The following SLC6A11 variants were observed in gnomAD, a reference collection of about 807,000 sequenced individuals.
The protein encoded by SLC6A11 is solute carrier family 6 member 11.
SLC6A11 carries 25 observed loss-of-function variants against 74.8 expected under a neutral mutation model. The observed-to-expected ratio is 0.33, with a 90% CI of 0.24 to 0.47. SLC6A11 has a LOEUF of 0.47. Ranked by LOEUF, SLC6A11 falls within the 20% of genes least tolerant of loss-of-function variation. The probability of loss-of-function intolerance (pLI) is 1.00; values close to 1 mark genes in which losing one functional copy is unlikely to be tolerated. For synonymous variants in SLC6A11, 330 were observed against 330.2 expected, an observed-to-expected ratio of 1.00 and a Z score of 0.01; for missense variants, 574 against 837.0, an observed-to-expected ratio of 0.69 and a Z score of 3.88.
At chr3:10,828,236 T>C (rs1015916306) in intron 4 of SLC6A11, among the ~76,000 whole-genome samples, 18 of 152,226 alleles carry the variant, frequency 1.2e-4, no homozygotes, top group African/African-American at 4.1e-4. Flanking sequence ...ATTCTTGCTG[T>C]GTATACAATC....
In SLC6A11 at chr3:10,940,343, C is replaced by CT. The variant is rs1695810016; in HGVS notation, c.*1942dup. ...CTTCCCATTGCTGCTGCTACCGGTT[C>CT]TCCACAGATCCCTGTGGTCCGCCAT... On this transcript the variant is annotated 3_prime_UTR_variant, in exon 14 of 14. Coordinates refer to ENST00000254488, the MANE Select transcript of SLC6A11 (RefSeq NM_014229.3). 4.5e-5 allele frequency: 3 copies of CT among 67,176 alleles called. No individual in the cohort carries two copies. Among genetic ancestry groups the CT allele is most frequent in the Admixed American group, 3.4e-4 (3 of 8,878 alleles). 4.2% of individuals were successfully genotyped at this position (67,176 alleles called of 1,614,324 possible). A position where few individuals can be genotyped will look rare whatever the true frequency, so the allele number is the denominator to read the frequency against.
rs147598353 is a variant in SLC6A11, at chr3:10,838,757, T to A, written c.624-5457T>A. On this transcript the variant is annotated intron_variant, in intron 4 of 13. Coordinates refer to ENST00000254488, the MANE Select transcript of SLC6A11 (RefSeq NM_014229.3). ...GAGTGAGACTCTGTCTCAAAATATG[T>A]ATATATATCAATTTGGGCAAGTTGC... Among the ~76,000 whole-genome samples, 645 of 152,224 alleles carry A rather than the reference T, an allele frequency of 4.2e-3. 4 individuals carry two copies. Among genetic ancestry groups the A allele is most frequent in the African/African-American group, 0.014 (595 of 41,536 alleles).
intron 4 of SLC6A11, among the ~76,000 whole-genome samples, chr3:10,843,137 G>A (rs1162273712): frequency 1.3e-5 from 2 of 152,122 alleles, no homozygotes; most frequent in African/African-American, 4.8e-5. Flanking sequence ...TATGGAGCGT[G>A]GCGAGTTTGA....
chr3:10,819,699 T>C lies in SLC6A11; in HGVS notation c.392-13T>C, dbSNP rs200575540. On this transcript the variant is annotated splice_polypyrimidine_tract_variant and intron_variant, in intron 2 of 13. Coordinates refer to ENST00000254488, the MANE Select transcript of SLC6A11 (RefSeq NM_014229.3). Reference sequence around the variant, plus strand: ...GATAGACTCAAATTCCTTCCTTTCTTTTGTCCTTTCAGGCATTGGCTATGC... The same window carrying C: ...GATAGACTCAAATTCCTTCCTTTCTCTTGTCCTTTCAGGCATTGGCTATGC... 2.2e-4 allele frequency: 352 copies of C among 1,613,068 alleles called. No individual in the cohort carries two copies. Among genetic ancestry groups the C allele is most frequent in the Middle Eastern group, 8.2e-4 (5 of 6,078 alleles).
chr3:10,879,263 A>C (rs1001415451), intron 6 of SLC6A11, among the ~76,000 whole-genome samples: 4 of 152,160 alleles, frequency 2.6e-5, no homozygotes, highest in Non-Finnish European at 5.9e-5. Flanking sequence ...CCCAAAAGCA[A>C]CTATGTCCCC....
intron 1 of SLC6A11, among the ~76,000 whole-genome samples, chr3:10,818,338 T>G (rs1412613435): frequency 6.6e-6 from 1 of 152,216 alleles, no homozygotes; most frequent in African/African-American, 2.4e-5. Context: ...TAGATTTCGA[T>G]TCAGTAAACA....
intron 13 of SLC6A11, 110 bp downstream of exon 13, chr3:10,935,309 G>C: frequency 1.1e-6 from 1 of 939,716 alleles, no homozygotes. Context: ...CTGCCTCAAG[G>C]GGACGCTGTG....
At chr3:10,830,869 T>C (rs562460965) in intron 4 of SLC6A11, among the ~76,000 whole-genome samples, 1 of 152,164 alleles carries the variant, frequency 6.6e-6, no homozygotes, top group African/African-American at 2.4e-5. Flanking sequence ...TGATCAGGCC[T>C]GGGGATAAGG....
At chr3:10,845,451 C>T (rs1458088831) in intron 5 of SLC6A11, among the ~76,000 whole-genome samples, 1 of 152,206 alleles carries the variant, frequency 6.6e-6, no homozygotes, top group African/African-American at 2.4e-5. Flanking sequence ...CCCTCCTTGC[C>T]AGCCTCCTTC....
At chr3:10,924,105 G>A (rs1465455279) in intron 8 of SLC6A11, among the ~76,000 whole-genome samples, 1 of 152,126 alleles carries the variant, frequency 6.6e-6, no homozygotes, top group Non-Finnish European at 1.5e-5. Flanking sequence ...ACGCAATGTG[G>A]AGTTCTGAAT....
intron 6 of SLC6A11, among the ~76,000 whole-genome samples, chr3:10,909,990 G>A (rs532798614): frequency 2.0e-5 from 3 of 151,998 alleles, no homozygotes; most frequent in Non-Finnish European, 2.9e-5. Flanking sequence ...CCCACACATC[G>A]AAATGTCTGG....
rs1226396502 is a variant in SLC6A11, at chr3:10,875,091, C to G, written c.887C>G (p.Pro296Arg). 1 of 1,606,422 alleles carries G rather than the reference C, an allele frequency of 6.2e-7. No homozygotes were observed. The highest frequency in any genetic ancestry group is 8.5e-7 in the Non-Finnish European group (1 of 1,174,620). ...CCTGACCTCTCCCGGCTCTCCGACC[C>G]CCAGGTAAGAGTCGCTTGCTCAATG... is the stretch of plus-strand genomic sequence containing the variant. ...LYPDLSRLSD[P>R]QVWVDAGTQI... The change falls in exon 6 of 14, where the codon CCC (proline) becomes CGC (arginine). Residue 296 changes from proline (P) to arginine (R), a missense_variant. By Grantham distance (103) the Pro-to-Arg change is moderately radical. Around this residue, in one of 4 missense-constraint regions of SLC6A11, gnomAD observed 215 missense variants for 357.9 expected, o/e 0.60. Coordinates refer to ENST00000254488, the MANE Select transcript of SLC6A11 (RefSeq NM_014229.3).
intron 13 of SLC6A11, among the ~76,000 whole-genome samples, chr3:10,937,958 C>A (rs1347035822): frequency 6.6e-6 from 1 of 152,210 alleles, no homozygotes; most frequent in Non-Finnish European, 1.5e-5. Context: ...GTCCCAGCAA[C>A]CTTTCCTAGC....
chr3:10,827,316 C>G (rs181751429), intron 4 of SLC6A11, among the ~76,000 whole-genome samples: 10 of 152,176 alleles, frequency 6.6e-5, no homozygotes, highest in African/African-American at 1.9e-4. Context: ...TACTCCACCC[C>G]CTGAATGCTA....
intron 4 of SLC6A11, among the ~76,000 whole-genome samples, chr3:10,831,514 ATATATGTGT>A (rs1195510953): frequency 6.6e-6 from 1 of 152,218 alleles, no homozygotes; most frequent in Non-Finnish European, 1.5e-5. Flanking sequence ...ATCGTATGTA[ATATATGTGT>A]TGTATATGCC....
intron 6 of SLC6A11, among the ~76,000 whole-genome samples, chr3:10,881,421 T>C (rs1346529941): frequency 6.6e-6 from 1 of 152,074 alleles, no homozygotes; most frequent in African/African-American, 2.4e-5. Flanking sequence ...GTCTCAAAAA[T>C]AAATAAGTAA....
At chr3:10,927,263 A>G (rs545019320) in intron 9 of SLC6A11, among the ~76,000 whole-genome samples, 165 of 152,286 alleles carry the variant, frequency 1.1e-3, no homozygotes, top group Non-Finnish European at 2.0e-3. Flanking sequence ...GTGACAGGCC[A>G]GGCCTGCCTG....
intron 6 of SLC6A11, among the ~76,000 whole-genome samples, chr3:10,883,919 G>A (rs909392769): frequency 1.3e-5 from 2 of 152,172 alleles, no homozygotes; most frequent in Non-Finnish European, 2.9e-5. Context: ...TTGTTCCTGA[G>A]TTAGTTTCAT....
intron 5 of SLC6A11, among the ~76,000 whole-genome samples, chr3:10,874,341 C>T (rs764646325): frequency 3.6e-4 from 55 of 152,190 alleles, no homozygotes; most frequent in Admixed American, 2.0e-3. Flanking sequence ...AAGCACATCA[C>T]GGGCACTCAG....
Sources: gnomAD v4.1 joint callset for allele counts (sites outside exome capture counted in the v4.1 genomes callset) on GRCh38, gnomAD v4.1.1 for gene constraint, gnomAD v4.1.1 regional missense constraint, MANE v1.5 for transcripts, NCBI Gene and HGNC (gene_info 2026-07-23, HGNC 2026-07-21) for gene names.